The following SEC63 variants were observed in gnomAD, a reference collection of about 807,000 sequenced individuals.
SEC63 encodes translocation protein SEC63 homolog.
A neutral mutation model predicts 116.2 loss-of-function variants in SEC63; 56 were observed. The ratio of observed to expected loss-of-function variants is 0.48; its 90% CI spans 0.39 to 0.60. The LOEUF (loss-of-function observed/expected upper bound fraction) is 0.60, where lower values mean the gene tolerates loss of function less well. Ranked by LOEUF, SEC63 falls within the 20% of genes least tolerant of loss-of-function variation. The pLI, the probability that SEC63 is intolerant of heterozygous loss-of-function variation, is 0.00. For synonymous variants in SEC63, 273 were observed against 294.6 expected (o/e 0.93, Z 0.75); for missense variants, 668 against 900.0 (o/e 0.74, Z 3.30).
chr6:107,872,663 T>G, intron 20 of SEC63, 145 bp downstream of exon 20: 3 of 598,682 alleles, frequency 5.0e-6, no homozygotes, highest in Non-Finnish European at 9.0e-6. Flanking sequence ...ATTGAAAGAG[T>G]AGTCCATCAA....
Position 107,871,000 on chromosome 6 carries a change from A to G in SEC63, c.*704T>C, listed in dbSNP as rs899965698. On this transcript the variant is annotated 3_prime_UTR_variant, in exon 21 of 21. Coordinates refer to ENST00000369002, the MANE Select transcript of SEC63 (RefSeq NM_007214.5). ...ACTATCACTTTTAGAGCTAGAACTT[A>G]TCAAAAGAATTAGATCCTGCATTGA... 6 of 152,782 alleles carry G rather than the reference A, an allele frequency of 3.9e-5. No individual in the cohort carries two copies. The highest frequency in any genetic ancestry group is 9.6e-5 in the African/African-American group (4 of 41,460). 9.5% of individuals were successfully genotyped at this position (152,782 alleles called of 1,614,324 possible).
intron 1 of SEC63, among the ~76,000 whole-genome samples, chr6:107,952,493 C>T (rs577780641): frequency 1.3e-5 from 2 of 152,296 alleles, no homozygotes; most frequent in Admixed American, 6.5e-5. Flanking sequence ...CACAGTGGCT[C>T]ACAGCTGTAA....
chr6:107,929,397 T>C lies in SEC63; in HGVS notation c.224+18A>G, dbSNP rs774505023. The C allele has an allele frequency of 7.3e-7, 1 of 1,369,372 alleles. No homozygotes were observed. Among genetic ancestry groups the C allele is most frequent in the Non-Finnish European group, 1.0e-6 (1 of 958,662 alleles). 84.8% of individuals were successfully genotyped at this position (1,369,372 alleles called of 1,614,324 possible). On this transcript the variant is annotated intron_variant, in intron 2 of 20. Coordinates refer to ENST00000369002, the MANE Select transcript of SEC63 (RefSeq NM_007214.5). ...AGTAAGCATTAAGTAGGTTTTTTTC[T>C]TGAAATCCATTACTTACTTTACTGT... is the stretch of plus-strand genomic sequence containing the variant.
chr6:107,887,952 A>AT (rs1215472747), intron 16 of SEC63, among the ~76,000 whole-genome samples: 90 of 152,096 alleles, frequency 5.9e-4, no homozygotes, highest in African/African-American at 2.1e-3. Context: ...ATTGGTCTAT[A>AT]TATCTGTTTT....
intron 20 of SEC63, among the ~76,000 whole-genome samples, chr6:107,872,096 C>T (rs1786148596): frequency 1.3e-5 from 2 of 152,086 alleles, no homozygotes; most frequent in South Asian, 2.1e-4. Context: ...GTATGTTATA[C>T]TATTTATGAA....
intron 1 of SEC63, among the ~76,000 whole-genome samples, chr6:107,936,616 T>C (rs938493249): frequency 1.3e-5 from 2 of 152,216 alleles, no homozygotes; most frequent in African/African-American, 4.8e-5. Context: ...AAATAATGTG[T>C]CATAATTGCT....
At chr6:107,921,772 A>G in intron 4 of SEC63, 25 bp downstream of exon 4, 1 of 1,446,638 alleles carries the variant, frequency 6.9e-7, no homozygotes, top group Non-Finnish European at 9.7e-7. Context: ...ATTCTTAAAA[A>G]TTTGTAATGG....
In SEC63 at chr6:107,958,013, A is replaced by AC; in HGVS notation, c.-5dup. ...ACTGGAACTGCTGCCCGGCCATGGC[A>AC]CCCCCTCCTCCGCCTCGCTCTTCTC... On this transcript the variant is annotated 5_prime_UTR_variant, in exon 1 of 21. Transcript: ENST00000369002. The AC allele has an allele frequency of 6.2e-7, 1 of 1,611,632 alleles. No individual in the cohort carries two copies. The highest frequency in any genetic ancestry group is 8.5e-7 in the Non-Finnish European group (1 of 1,179,044).
At chr6:107,927,425 T>C (rs1787700651) in intron 2 of SEC63, among the ~76,000 whole-genome samples, 2 of 152,162 alleles carry the variant, frequency 1.3e-5, no homozygotes, top group Admixed American at 6.6e-5. Context: ...CGCACATGTG[T>C]CAGAAAAGAA....
chr6:107,923,725 G>A (rs1040211487), intron 3 of SEC63, among the ~76,000 whole-genome samples: 2 of 145,464 alleles, frequency 1.4e-5, no homozygotes, highest in Non-Finnish European at 3.0e-5. Context: ...CAGCCTGGGT[G>A]TCACTATGTT....
chr6:107,915,524 A>C (rs1238365696), intron 4 of SEC63, among the ~76,000 whole-genome samples: 1 of 152,200 alleles, frequency 6.6e-6, no homozygotes, highest in Non-Finnish European at 1.5e-5. Context: ...CTTGCTATAC[A>C]ATAGCTTTAA....
chr6:107,901,954 C>T (rs1293495076), intron 12 of SEC63, among the ~76,000 whole-genome samples: 1 of 151,940 alleles, frequency 6.6e-6, no homozygotes, highest in African/African-American at 2.4e-5. Flanking sequence ...AAAGACGCAC[C>T]TTCAAAGTTT....
At chr6:107,945,493 G>C (rs1770463933) in intron 1 of SEC63, among the ~76,000 whole-genome samples, 1 of 151,842 alleles carries the variant, frequency 6.6e-6, no homozygotes, top group East Asian at 2.0e-4. Flanking sequence ...TTTTAGTAGA[G>C]AGGGGGCTCA....
intron 1 of SEC63, among the ~76,000 whole-genome samples, chr6:107,953,842 TG>T (rs1226345428): frequency 1.7e-5 from 2 of 118,724 alleles, no homozygotes; most frequent in East Asian, 2.7e-4. Context: ...GGGAGGGAGG[TG>T]GGGGGGTCAG....
At chr6:107,905,905 T>C (rs1275147633) in intron 10 of SEC63, among the ~76,000 whole-genome samples, 1 of 152,196 alleles carries the variant, frequency 6.6e-6, no homozygotes, top group African/African-American at 2.4e-5. Flanking sequence ...ATGTAGCATA[T>C]ACATTTCTTT....
At chr6:107,926,353 T>C (rs1476721067) in intron 2 of SEC63, among the ~76,000 whole-genome samples, 5 of 152,178 alleles carry the variant, frequency 3.3e-5, no homozygotes, top group African/African-American at 9.7e-5. Context: ...TTTGTTACAC[T>C]GAGCAAGAAC....
rs139689830 is a variant in SEC63, at chr6:107,951,909, C to A, written c.124+5977G>T. On this transcript the variant is annotated intron_variant, in intron 1 of 20. Coordinates refer to ENST00000369002, the MANE Select transcript of SEC63 (RefSeq NM_007214.5). ...AATGGGGTGAACCCAGGAGGCAGAC[C>A]TTGCAGTGAGCTGAGACCGCGCCAC... Among the ~76,000 whole-genome samples the A allele has an allele frequency of 1.2e-4, 18 of 150,398 alleles. 1 individual carries two copies. The East Asian group carries it at 3.5e-3, about 30-fold the overall frequency.
At chr6:107,876,722 A>G in intron 18 of SEC63, 60 bp from the exon 19 acceptor site, 1 of 1,195,932 alleles carries the variant, frequency 8.4e-7, no homozygotes, top group East Asian at 2.3e-5. Flanking sequence ...AAAGAACTAG[A>G]AAGAATATAA....
At chr6:107,926,867 C>T (rs918670606) in intron 2 of SEC63, among the ~76,000 whole-genome samples, 1 of 152,178 alleles carries the variant, frequency 6.6e-6, no homozygotes, top group African/African-American at 2.4e-5. Flanking sequence ...AAGCTCATAA[C>T]AGAATCCAAA....
Sources: gnomAD v4.1 joint callset for allele counts (sites outside exome capture counted in the v4.1 genomes callset) on GRCh38, gnomAD v4.1.1 for gene constraint, MANE v1.5 for transcripts, NCBI Gene and HGNC (gene_info 2026-07-23, HGNC 2026-07-21) for gene names.